MGAM2: variants seen among roughly 807,000 people sequenced by gnomAD.
MGAM2 encodes the protein maltase-glucoamylase 2 (putative), also known as probable maltase-glucoamylase 2.
Under a neutral mutation model 96.1 loss-of-function variants are expected in MGAM2, and 98 were observed. The ratio of observed to expected loss-of-function variants is 1.02; its 90% confidence interval spans 0.87 to 1.21. The LOEUF is 1.21. MGAM2 is among the 50% of genes most tolerant of loss of function. The pLI is 0.00. For synonymous variants in MGAM2, 749 were observed against 414.8 expected, an observed-to-expected ratio of 1.81 and a Z score of -9.79; for missense variants, 2,055 against 1,182.4, an observed-to-expected ratio of 1.74 and a Z score of -10.82.
rs879715847 is a variant in MGAM2 at position 142,221,708 on chromosome 7, C to T, written c.7197C>T (p.Ala2399=). The change falls in exon 48 of 48, where the codon GCC becomes GCT. Residue 2399 remains alanine, a synonymous_variant. Coordinates refer to ENST00000477922, the MANE Select transcript of MGAM2 (RefSeq NM_001293626.2). ...ATTCTGCTACTACTACAACACTGGC[C>T]TTAAGCCACACCTCATTAGCTCCTA... The part of the protein sequence containing the change: ...TPHSATTTTL[A]LSHTSLAPTN... The T allele has an allele frequency of 2.4e-6, 1 of 418,836 alleles. No individual in the cohort carries two copies. The highest frequency in any genetic ancestry group is 4.2e-6 in the Non-Finnish European group (1 of 237,164). The allele number at this position is 418,836 out of a possible 1,614,324, so 25.9% of individuals were successfully genotyped here.
intron 26 of MGAM2, among the ~76,000 whole-genome samples, chr7:142,169,750 G>A (rs1272907451): frequency 6.6e-6 from 1 of 151,970 alleles, no homozygotes; most frequent in Admixed American, 6.6e-5. Flanking sequence ...ACATTTCTAT[G>A]CACATACATG....
intron 26 of MGAM2, 118 bp downstream of exon 26, chr7:142,167,604 C>T: frequency 1.6e-6 from 1 of 632,454 alleles, no homozygotes; most frequent in South Asian, 1.8e-5. Context: ...ACAGGATCTC[C>T]CACTGACACC....
intron 3 of MGAM2, among the ~76,000 whole-genome samples, chr7:142,129,810 A>C (rs1794831378): frequency 7.8e-6 from 1 of 127,712 alleles, no homozygotes; most frequent in African/African-American, 3.1e-5. Context: ...GGGCAACAAG[A>C]ACAAAACTCT....
chr7:142,215,419 GCATGTTCTGCAC>G (rs1797726332), intron 46 of MGAM2, among the ~76,000 whole-genome samples: 1 of 151,064 alleles, frequency 6.6e-6, no homozygotes, highest in Non-Finnish European at 1.5e-5. Flanking sequence ...TAACAAACCT[GCATGTTCTGCAC>G]ATGTATCCCA....
intron 32 of MGAM2, among the ~76,000 whole-genome samples, chr7:142,181,373 G>T (rs907074841): frequency 3.9e-5 from 6 of 152,086 alleles, no homozygotes; most frequent in African/African-American, 1.4e-4. Flanking sequence ...CACCCTTTTT[G>T]TTTGGTGGTG....
At position 142,154,736 on chromosome 7, in the gene MGAM2, C is replaced by T. The variant is rs1366994754; in HGVS notation, c.1814C>T (p.Ala605Val). Residue 605 changes from alanine (A) to valine (V), a missense_variant, in exon 17 of 48, where the codon GCC (alanine) becomes GTC (valine). By Grantham distance (64) the Ala-to-Val change is moderately conservative. Transcript: ENST00000477922. ...TGTGTGCTAATTCTCCAGGTAGGTG[C>T]CAACATCTGTGGTTATAACAACAAT... ...FNLFGIPMVGANICGYNNNVT... is the reference protein window; with the variant it reads ...FNLFGIPMVGVNICGYNNNVT... The T allele has an allele frequency of 1.4e-6, 1 of 703,084 alleles. No homozygotes were observed. The highest frequency in any genetic ancestry group is 2.7e-5 in the East Asian group (1 of 37,268). 43.6% of individuals were successfully genotyped at this position (703,084 alleles called of 1,614,324 possible).
intron 12 of MGAM2, 116 bp downstream of exon 12, chr7:142,141,235 GTTTCT>G: frequency 1.7e-6 from 1 of 586,800 alleles, no homozygotes; most frequent in Non-Finnish European, 3.0e-6. Flanking sequence ...GGCTTTAGAG[GTTTCT>G]TTTATTACTA....
intron 45 of MGAM2, among the ~76,000 whole-genome samples, chr7:142,206,573 A>G (rs1797407444): frequency 1.3e-5 from 2 of 152,208 alleles, no homozygotes; most frequent in African/African-American, 2.4e-5. Flanking sequence ...CACAATTAGT[A>G]TGCAAAATCA....
intron 3 of MGAM2, among the ~76,000 whole-genome samples, chr7:142,125,959 A>G (rs1405997989): frequency 3.3e-5 from 5 of 152,156 alleles, no homozygotes; most frequent in Admixed American, 2.0e-4. Context: ...AATCAAATCA[A>G]TGGCTTAGTG....
intron 15 of MGAM2, among the ~76,000 whole-genome samples, chr7:142,150,426 T>G (rs1412845903): frequency 6.6e-6 from 1 of 152,154 alleles, no homozygotes; most frequent in Non-Finnish European, 1.5e-5. Flanking sequence ...TTAATACTTC[T>G]TAATTAGGTT....
chr7:142,186,588 T>G (rs1163223811), intron 35 of MGAM2, among the ~76,000 whole-genome samples: 1 of 152,210 alleles, frequency 6.6e-6, no homozygotes, highest in Non-Finnish European at 1.5e-5. Context: ...TTGCTGTAAA[T>G]GCCAGTTGGC....
chr7:142,134,532 C>T (rs553041951), intron 7 of MGAM2, among the ~76,000 whole-genome samples: 8 of 152,206 alleles, frequency 5.3e-5, no homozygotes, highest in African/African-American at 9.6e-5. Context: ...CTAAAAATGT[C>T]TCTTTTGACA....
chr7:142,153,177 T>G (rs1386934678), intron 15 of MGAM2, among the ~76,000 whole-genome samples: 3 of 152,024 alleles, frequency 2.0e-5, no homozygotes, highest in Non-Finnish European at 4.4e-5. Flanking sequence ...AACTTCTGTA[T>G]TTTTAGTAGA....
At position 142,220,867 on chromosome 7, in the gene MGAM2, T is replaced by G. The variant is rs1797905376; in HGVS notation, c.6356T>G (p.Leu2119Arg). ...TADATISTTV[L>R]IATTSSLTGT... ...GATGCCACCATTAGTACTACTGTAC[T>G]TATTGCCACTACTTCTTCTCTAACA... Residue 2119 changes from leucine (L) to arginine (R), a missense_variant, in exon 48 of 48, where the codon CTT (leucine) becomes CGT (arginine). Transcript: ENST00000477922. 1.4e-6 allele frequency: 1 copy of G among 702,028 alleles called. No individual in the cohort carries two copies. The highest frequency in any genetic ancestry group is 2.6e-6 in the Non-Finnish European group (1 of 384,776). 43.5% of individuals were successfully genotyped at this position (702,028 alleles called of 1,614,324 possible). A position where few individuals can be genotyped will look rare whatever the true frequency, so the allele number is the denominator to read the frequency against.
intron 4 of MGAM2, 130 bp from the exon 5 acceptor site, chr7:142,131,388 A>T: frequency 1.6e-6 from 1 of 613,130 alleles, no homozygotes; most frequent in East Asian, 2.8e-5. Flanking sequence ...CAGTGAGCCG[A>T]GATCACGTCT....
At chr7:142,198,270 C>T (rs1797112599) in intron 43 of MGAM2, 75 bp downstream of exon 43, 3 of 660,910 alleles carry the variant, frequency 4.5e-6, no homozygotes, top group African/African-American at 3.6e-5. Context: ...CTTCTATTTC[C>T]AAGCACATAT....
At chr7:142,181,780 C>T (rs1319499308) in intron 32 of MGAM2, among the ~76,000 whole-genome samples, 1 of 152,078 alleles carries the variant, frequency 6.6e-6, no homozygotes, top group East Asian at 1.9e-4. Context: ...CAGAAGATCC[C>T]CAGGCACTGC....
chr7:142,141,658 CCTGA>C (rs1291623371), intron 12 of MGAM2, among the ~76,000 whole-genome samples: 1 of 152,014 alleles, frequency 6.6e-6, no homozygotes, highest in Non-Finnish European at 1.5e-5. Context: ...CGCCACCATG[CCTGA>C]CTAATTTTTG....
At chr7:142,166,280 A>G (rs1158737002) in intron 25 of MGAM2, 27 bp downstream of exon 25, 2 of 679,864 alleles carry the variant, frequency 2.9e-6, no homozygotes, top group South Asian at 1.6e-5. Flanking sequence ...AGATTACCTC[A>G]TTGATTAGGA....
Sources: allele counts gnomAD v4.1 joint callset (sites outside exome capture counted in the v4.1 genomes callset), GRCh38; gene constraint gnomAD v4.1.1; transcripts MANE v1.5; gene names NCBI Gene and HGNC (gene_info 2026-07-23, HGNC 2026-07-21).